SELPLG: variants seen among roughly 807,000 people sequenced by gnomAD.
SELPLG encodes selectin P ligand, also known as P-selectin glycoprotein ligand 1.
SELPLG carries 2 observed loss-of-function variants against 1.1 expected under a neutral mutation model. That is an observed-to-expected ratio of 1.82 (90% confidence interval 0.74 to 5.71). SELPLG has a LOEUF of 5.71. SELPLG is among the 30% of genes most tolerant of loss of function. The pLI is 0.05. For missense variants in SELPLG, 478 were observed against 524.7 expected, an observed-to-expected ratio of 0.91 and a Z score of 0.87; for synonymous variants, 230 against 221.2, an observed-to-expected ratio of 1.04 and a Z score of -0.35.
intron 1 of SELPLG, among the ~76,000 whole-genome samples, chr12:108,627,678 C>G (rs999664930): frequency 6.6e-6 from 1 of 152,202 alleles, no homozygotes; most frequent in Non-Finnish European, 1.5e-5. Flanking sequence ...TGGCTCATGC[C>G]TGTAATCCCA....
chr12:108,628,514 C>T (rs1419491265), intron 1 of SELPLG, among the ~76,000 whole-genome samples: 1 of 152,212 alleles, frequency 6.6e-6, no homozygotes, highest in African/African-American at 2.4e-5. Flanking sequence ...ATATTTCATA[C>T]TTATGAGCAC....
At chr12:108,630,229 C>T (rs915060461) in intron 1 of SELPLG, among the ~76,000 whole-genome samples, 2 of 152,218 alleles carry the variant, frequency 1.3e-5, no homozygotes, top group Admixed American at 6.5e-5. Flanking sequence ...CTGGCCCAGG[C>T]CCCATCTAGA....
chr12:108,632,020 C>G (rs1169920989), intron 1 of SELPLG: 2 of 1,205,790 alleles, frequency 1.7e-6, no homozygotes, highest in East Asian at 2.5e-5. Context: ...CCCCTTCAAG[C>G]CTCAGTTTTC....
intron 1 of SELPLG, among the ~76,000 whole-genome samples, chr12:108,627,088 G>A (rs1034219001): frequency 6.6e-6 from 1 of 152,154 alleles, no homozygotes; most frequent in Non-Finnish European, 1.5e-5. Flanking sequence ...TGGGAGACAA[G>A]AGCAAAACTC....
In SELPLG at chr12:108,622,912, T is replaced by C; in HGVS notation, c.*157A>G. On this transcript the variant is annotated 3_prime_UTR_variant, in exon 2 of 2. Coordinates refer to ENST00000550948, the MANE Select transcript of SELPLG (RefSeq NM_003006.4). Reference sequence around the variant, plus strand: ...CCGTCTGCTTGGCCCCAGGCTGCTCTTGTCCTGTTTGGGTGGCCAGAGTTC... The same window carrying C: ...CCGTCTGCTTGGCCCCAGGCTGCTCCTGTCCTGTTTGGGTGGCCAGAGTTC... The C allele has an allele frequency of 1.4e-6, 1 of 730,062 alleles. No individual in the cohort carries two copies. The highest frequency in any genetic ancestry group is 2.1e-6 in the Non-Finnish European group (1 of 475,868). 45.2% of individuals were successfully genotyped at this position (730,062 alleles called of 1,614,324 possible).
intron 1 of SELPLG, among the ~76,000 whole-genome samples, chr12:108,626,365 C>T (rs937225031): frequency 3.9e-5 from 6 of 152,252 alleles, no homozygotes; most frequent in African/African-American, 1.4e-4. Flanking sequence ...AAACTCCTGA[C>T]CACAAGCAAT....
chr12:108,623,027 C>A lies in SELPLG; in HGVS notation c.*42G>T, dbSNP rs7311687. The A allele has an allele frequency of 0.04, 58,129 of 1,454,754 alleles. 6,569 individuals carry two copies. In the African/African-American group the frequency reaches 0.41, roughly 10 times the overall value. The allele number at this position is 1,454,754 out of a possible 1,614,324, so 90.1% of individuals were successfully genotyped here. A position where few individuals can be genotyped will look rare whatever the true frequency, so the allele number is the denominator to read the frequency against. On this transcript the variant is annotated 3_prime_UTR_variant, in exon 2 of 2. Coordinates refer to ENST00000550948, the MANE Select transcript of SELPLG (RefSeq NM_003006.4). ...GGCACTCAGGGGTGGCCCAGGAGAG[C>A]CCGTGGAGGTGGGGTCTTGCCAAAA...
chr12:108,632,014 T>C (rs2032066300), intron 1 of SELPLG: 1 of 1,278,194 alleles, frequency 7.8e-7, no homozygotes, highest in South Asian at 1.3e-5. Flanking sequence ...GCTTCTCCCC[T>C]TCAAGCCTCA....
rs775900942 is a variant in SELPLG, at chr12:108,623,943, TGTATC to T, written c.360_364del (p.Ile121AspfsTer234). The T allele has an allele frequency of 3.1e-6, 5 of 1,614,004 alleles. No homozygotes were observed. On this transcript the variant is annotated frameshift_variant, in exon 2 of 2. Transcript: ENST00000550948. LOFTEE classifies it low-confidence loss of function (END_TRUNC). Reference sequence around the variant, plus strand: ...CTCCGTGGCTGCTGGTTGAGTGGTCTGTATCTCCATAGCTGCTGAATCCGTGGACA... The same window carrying T: ...CTCCGTGGCTGCTGGTTGAGTGGTCTTCCATAGCTGCTGAATCCGTGGACA...
chr12:108,626,800 C>A (rs2031944540), intron 1 of SELPLG, among the ~76,000 whole-genome samples: 1 of 152,172 alleles, frequency 6.6e-6, no homozygotes, highest in Non-Finnish European at 1.5e-5. Context: ...CACACCCGAC[C>A]CACATCTTAA....
Position 108,624,686 on chromosome 12 carries a change from C to CTTT in SELPLG, c.-5-377_-5-375dup, listed in dbSNP as rs34381191. ...GTTCTATTAACTTTTCATGTCACTC[C>CTTT]TTTTTTCTTTTTTTTTTTTTTTAGA... On this transcript the variant is annotated intron_variant, in intron 1 of 1. Transcript: ENST00000550948. 1.1e-4 allele frequency among the ~76,000 whole-genome samples: 16 copies of CTTT among 143,050 alleles called. 1 individual carries two copies. The highest frequency in any genetic ancestry group is 2.0e-4 in the East Asian group (1 of 5,020). 93.8% of individuals were successfully genotyped at this position (143,050 alleles called of 152,430 possible). A position where few individuals can be genotyped will look rare whatever the true frequency, so the allele number is the denominator to read the frequency against.
At chr12:108,631,933 G>A (rs1565890888) in intron 1 of SELPLG, 11 of 1,535,538 alleles carry the variant, frequency 7.2e-6, no homozygotes, top group Middle Eastern at 3.3e-4. Flanking sequence ...AGGAAGCCGA[G>A]ACACAGGCCT....
chr12:108,624,189 C>A lies in SELPLG; in HGVS notation c.119G>T (p.Arg40Leu). The change falls in exon 2 of 2, where the codon CGG becomes CTG. Residue 40 changes from arginine (R) to leucine (L), a missense_variant. Coordinates refer to ENST00000550948, the MANE Select transcript of SELPLG (RefSeq NM_003006.4). The stretch of plus-strand genomic sequence containing the variant: ...GTACTCATATTCGGTGGCCTGTCTC[C>A]GGTCCCGGGCAAGCAGGGGACCCAA... ...KALGPLLARD[R>L]RQATEYEYLD... is the part of the protein sequence containing the mutation. 1.2e-6 allele frequency: 2 copies of A among 1,614,138 alleles called. No individual in the cohort carries two copies. The highest frequency in any genetic ancestry group is 1.7e-6 in the Non-Finnish European group (2 of 1,179,996).
chr12:108,622,742 G>C lies in SELPLG; in HGVS notation c.*327C>G, dbSNP rs959223129. 1.6e-4 allele frequency: 46 copies of C among 295,758 alleles called. No individual in the cohort carries two copies. Among genetic ancestry groups the C allele is most frequent in the Admixed American group, 1.8e-4 (4 of 21,806 alleles). The allele number at this position is 295,758 out of a possible 1,614,324, so 18.3% of individuals were successfully genotyped here. A position where few individuals can be genotyped will look rare whatever the true frequency, so the allele number is the denominator to read the frequency against. On this transcript the variant is annotated 3_prime_UTR_variant, in exon 2 of 2. Coordinates refer to ENST00000550948, the MANE Select transcript of SELPLG (RefSeq NM_003006.4). ...GACCAGGAGAAGCGGGGAGAGCCATGGGAGATGTTAGAGGGACCCAGAGAA... is the reference window on the plus strand; with the variant it reads ...GACCAGGAGAAGCGGGGAGAGCCATCGGAGATGTTAGAGGGACCCAGAGAA...
At position 108,622,947 on chromosome 12, in the gene SELPLG, A is replaced by G; in HGVS notation, c.*122T>C. On this transcript the variant is annotated 3_prime_UTR_variant, in exon 2 of 2. Transcript: ENST00000550948. Reference sequence around the variant, plus strand: ...TGGGTGGCCAGAGTTCCTTCCCTGAAGATCCCCATCCCCAGGGGTCTCCGA... The same window carrying G: ...TGGGTGGCCAGAGTTCCTTCCCTGAGGATCCCCATCCCCAGGGGTCTCCGA... 2.8e-6 allele frequency: 3 copies of G among 1,071,900 alleles called. No homozygotes were observed. The highest frequency in any genetic ancestry group is 3.8e-6 in the Non-Finnish European group (3 of 781,230). 66.4% of individuals were successfully genotyped at this position (1,071,900 alleles called of 1,614,324 possible). A position where few individuals can be genotyped will look rare whatever the true frequency, so the allele number is the denominator to read the frequency against.
At chr12:108,630,160 C>T (rs1267880638) in intron 1 of SELPLG, among the ~76,000 whole-genome samples, 1 of 152,224 alleles carries the variant, frequency 6.6e-6, no homozygotes, top group African/African-American at 2.4e-5. Context: ...CAACACTTGC[C>T]TAACAGAGTA....
intron 1 of SELPLG, among the ~76,000 whole-genome samples, chr12:108,629,045 A>T (rs1374784579): frequency 6.6e-6 from 1 of 152,224 alleles, no homozygotes; most frequent in East Asian, 1.9e-4. Flanking sequence ...TCGGCGCTGC[A>T]GGCAGATGAG....
chr12:108,632,386 T>TGG (rs1354301986), intron 1 of SELPLG, among the ~76,000 whole-genome samples: 48 of 104,886 alleles, frequency 4.6e-4, no homozygotes, highest in African/African-American at 1.8e-3. Flanking sequence ...ATCGACAATA[T>TGG]GGGGTGTGTG....
intron 1 of SELPLG, among the ~76,000 whole-genome samples, chr12:108,627,584 A>G (rs544086665): frequency 6.2e-4 from 95 of 152,338 alleles, no homozygotes; most frequent in African/African-American, 2.2e-3. Flanking sequence ...TAAAATTGGG[A>G]TAAGAAACAG....
Sources: allele counts gnomAD v4.1 joint callset (sites outside exome capture counted in the v4.1 genomes callset), GRCh38; gene constraint gnomAD v4.1.1; transcripts MANE v1.5; gene names NCBI Gene and HGNC (gene_info 2026-07-23, HGNC 2026-07-21).